Variants in COL6A2 observed in about 807,000 individuals in gnomAD.
The protein encoded by COL6A2 is collagen type VI alpha 2 chain.
A neutral mutation model predicts 124.9 loss-of-function variants in COL6A2; 90 were observed. That is an observed-to-expected ratio of 0.72 (90% CI 0.61 to 0.86). The LOEUF is 0.86. Ranked by LOEUF, COL6A2 falls within the 40% of genes least tolerant of loss-of-function variation. The pLI, the probability that COL6A2 is intolerant of heterozygous loss-of-function variation, is 0.00. For synonymous variants in COL6A2, 793 were observed against 618.2 expected (o/e 1.28, Z -4.19); for missense variants, 1,607 against 1,502.5 (o/e 1.07, Z -1.15).
chr21:46,131,904 G>A (rs374726502), intron 27 of COL6A2, 50 bp from the exon 28 acceptor site: 351 of 1,515,244 alleles, frequency 2.3e-4, no homozygotes, highest in East Asian at 4.6e-4. Flanking sequence ...GCACCTGCCC[G>A]GTCCTGCCCA....
At position 46,116,578 on chromosome 21, in the gene COL6A2, G is replaced by A; in HGVS notation, c.928-73G>A. On this transcript the variant is annotated intron_variant, in intron 8 of 27. Transcript: ENST00000300527. The surrounding 1 kb of genome is among the most constrained non-coding windows in gnomAD (Gnocchi z 4.6). The stretch of plus-strand genomic sequence containing the variant: ...GCCTTGAGTTTGGCCCAAGGGCTTT[G>A]CCCCCCAGAGGCAGCAGTGCCCATG... The A allele has an allele frequency of 1.2e-6, 2 of 1,607,130 alleles. No homozygotes were observed. The highest frequency in any genetic ancestry group is 1.7e-6 in the Non-Finnish European group (2 of 1,175,514).
chr21:46,116,543 G>T lies in COL6A2; in HGVS notation c.928-108G>T. On this transcript the variant is annotated intron_variant, in intron 8 of 27. Coordinates refer to ENST00000300527, the MANE Select transcript of COL6A2 (RefSeq NM_001849.4). The surrounding 1 kb of genome is among the most constrained non-coding windows in gnomAD (Gnocchi z 4.6). ...AGTGGTGGCTTTGGGGGCTCCTGGGGGGTCCTGTGGCCTTGAGTTTGGCCC... is the reference window on the plus strand; with the variant it reads ...AGTGGTGGCTTTGGGGGCTCCTGGGTGGTCCTGTGGCCTTGAGTTTGGCCC... The T allele has an allele frequency of 6.3e-7, 1 of 1,581,334 alleles. No homozygotes were observed. The highest frequency in any genetic ancestry group is 2.2e-5 in the East Asian group (1 of 44,460).
At position 46,125,635 on chromosome 21, in the gene COL6A2, G is replaced by T. The variant is rs767590612; in HGVS notation, c.1969+18G>T. The T allele has an allele frequency of 1.2e-6, 2 of 1,611,294 alleles. No homozygotes were observed. Among genetic ancestry groups the T allele is most frequent in the Non-Finnish European group, 8.5e-7 (1 of 1,179,242 alleles). ...CGAGACAGGTCAGCGGGGCAGGGGCGGGTGCAGCATTGCGGGGGGCCGGGC... is the reference window on the plus strand; with the variant it reads ...CGAGACAGGTCAGCGGGGCAGGGGCTGGTGCAGCATTGCGGGGGGCCGGGC... On this transcript the variant is annotated intron_variant, in intron 25 of 27. Coordinates refer to ENST00000300527, the MANE Select transcript of COL6A2 (RefSeq NM_001849.4).
At chr21:46,128,444 C>G (rs1217768667) in intron 27 of COL6A2, among the ~76,000 whole-genome samples, 1 of 152,252 alleles carries the variant, frequency 6.6e-6, no homozygotes, top group Admixed American at 6.5e-5. Flanking sequence ...GCCAGGCATC[C>G]TCCTCGGCCC....
Position 46,125,797 on chromosome 21 carries a change from G to A in COL6A2, c.1982G>A (p.Gly661Asp). The change falls in exon 26 of 28, where the codon GGC becomes GAC. Residue 661 changes from glycine (G) to aspartate (D), a missense_variant. This residue lies in a region of COL6A2 where 1,223 missense variants were observed against 1,052.2 expected (regional missense o/e 1.16). Transcript: ENST00000300527. Reference sequence around the variant, plus strand: ...GTGCGGCTTGCAGGGACGCGTGTGGGCGTGGTGCAGTACAGCCACGAGGGC... The same window carrying A: ...GTGCGGCTTGCAGGGACGCGTGTGGACGTGGTGCAGTACAGCCACGAGGGC... Reference protein sequence around the residue: ...DPKSETGTRVGVVQYSHEGTF... With the variant: ...DPKSETGTRVDVVQYSHEGTF... The A allele has an allele frequency of 1.2e-6, 2 of 1,612,124 alleles. No homozygotes were observed. The highest frequency in any genetic ancestry group is 1.7e-6 in the Non-Finnish European group (2 of 1,179,284).
At chr21:46,121,210 TG>T in intron 17 of COL6A2, 87 bp downstream of exon 17, 1 of 1,335,528 alleles carries the variant, frequency 7.5e-7, no homozygotes, top group Admixed American at 1.7e-5. Context: ...AGCTAGCCAC[TG>T]TCCCCATAGC....
At chr21:46,112,886 G>GCCAGGCTGCCGACTCCTGGCGCCT (rs2078425019) in intron 4 of COL6A2, 62 bp downstream of exon 4, 1 of 1,607,822 alleles carries the variant, frequency 6.2e-7, no homozygotes, top group Admixed American at 1.7e-5. Flanking sequence ...AGATGACCGC[G>GCCAGGCTGCCGACTCCTGGCGCCT]CCAGGCTGCC....
chr21:46,109,822 G>A (rs779869104), intron 1 of COL6A2, among the ~76,000 whole-genome samples: 8 of 152,206 alleles, frequency 5.3e-5, no homozygotes, highest in Admixed American at 1.3e-4. Context: ...GGGAAAGAGG[G>A]GCCTTCCCTG....
At chr21:46,119,767 C>T (rs777117878) in intron 14 of COL6A2, 21 bp from the exon 15 acceptor site, 1 of 1,555,154 alleles carries the variant, frequency 6.4e-7, no homozygotes. Flanking sequence ...CCTCCCTCAC[C>T]CACACGCCTG....
intron 14 of COL6A2, 74 bp from the exon 15 acceptor site, chr21:46,119,714 C>A: frequency 1.4e-6 from 2 of 1,390,512 alleles, no homozygotes; most frequent in Non-Finnish European, 2.0e-6. Flanking sequence ...TCGGCCCCGG[C>A]ACAGCCCCCA....
At position 46,116,009 on chromosome 21, in the gene COL6A2, G is replaced by A. The variant is rs2123626018; in HGVS notation, c.856G>A (p.Gly286Arg). The A allele has an allele frequency of 1.2e-6, 2 of 1,610,172 alleles. No homozygotes were observed. The highest frequency in any genetic ancestry group is 1.7e-6 in the Non-Finnish European group (2 of 1,178,810). Residue 286 changes from glycine to arginine, a missense_variant and splice_region_variant, in exon 7 of 28, where the codon GGA becomes AGA. Physicochemically the swap from Gly to Arg is moderately radical, Grantham distance 125. This residue lies in a region of COL6A2 where 42 missense variants were observed against 68.7 expected (regional missense o/e 0.61). Coordinates refer to ENST00000300527, the MANE Select transcript of COL6A2 (RefSeq NM_001849.4). The surrounding 1 kb of genome is among the most constrained non-coding windows in gnomAD (Gnocchi z 4.6). ...CACACTGCTGCGTTGTCCTTCACAGGGAGACCCGGGCATCGAAGGCCCCAT... is the reference window on the plus strand; with the variant it reads ...CACACTGCTGCGTTGTCCTTCACAGAGAGACCCGGGCATCGAAGGCCCCAT... ...PGEPGQKGRQ[G>R]DPGIEGPIGF...
rs746660646 is a variant in COL6A2, at chr21:46,102,899, TTGTC to T, written c.-28+4729_-28+4732del. Among the ~76,000 whole-genome samples the T allele has an allele frequency of 9.8e-4, 150 of 152,310 alleles. 1 individual carries two copies. The highest frequency in any genetic ancestry group is 3.4e-3 in the Middle Eastern group (1 of 294). On this transcript the variant is annotated intron_variant, in intron 1 of 27. Coordinates refer to ENST00000300527, the MANE Select transcript of COL6A2 (RefSeq NM_001849.4). ...GTAGTTTTCTTTTCTTGCAATATCTTTGTCTGGTATTGGTATCAGAGTAATGCTG... is the reference window on the plus strand; with the variant it reads ...GTAGTTTTCTTTTCTTGCAATATCTTTGGTATTGGTATCAGAGTAATGCTG...
chr21:46,131,901 C>G (rs1364941051), intron 27 of COL6A2, 53 bp from the exon 28 acceptor site: 1 of 1,501,392 alleles, frequency 6.7e-7, no homozygotes, highest in African/African-American at 1.4e-5. Context: ...CTGGCACCTG[C>G]CCGGTCCTGC....
At chr21:46,124,560 A>G in intron 21 of COL6A2, 91 bp from the exon 22 acceptor site, 8 of 1,158,412 alleles carry the variant, frequency 6.9e-6, no homozygotes, top group Admixed American at 1.7e-5. Flanking sequence ...CCAAGGGAGG[A>G]CCCGTGGTTG....
chr21:46,130,303 G>C (rs1354201027), intron 27 of COL6A2, among the ~76,000 whole-genome samples: 1 of 152,260 alleles, frequency 6.6e-6, no homozygotes, highest in African/African-American at 2.4e-5. Context: ...GCGGTCCTCA[G>C]AGGACTGAGC....
chr21:46,129,218 G>A lies in COL6A2; in HGVS notation c.2461+2677G>A, dbSNP rs556063675. The A allele has an allele frequency of 4.3e-6, 7 of 1,612,782 alleles. No individual in the cohort carries two copies. In the South Asian group the frequency reaches 6.6e-5, roughly 15 times the overall value. On this transcript the variant is annotated intron_variant, in intron 27 of 27. Transcript: ENST00000300527. ...CAGATGCACCGTGGCCTGGCGGCGA[G>A]CCCCCGGTCACCTTCCTCCGCACGG...
chr21:46,106,375 A>G (rs954891431), intron 1 of COL6A2, among the ~76,000 whole-genome samples: 5 of 152,166 alleles, frequency 3.3e-5, no homozygotes, highest in Admixed American at 1.3e-4. Flanking sequence ...GACCTCAGCT[A>G]TTAGCTGAGT....
At chr21:46,130,010 G>A (rs1304069480) in intron 27 of COL6A2, among the ~76,000 whole-genome samples, 2 of 152,184 alleles carry the variant, frequency 1.3e-5, no homozygotes, top group Non-Finnish European at 2.9e-5. Context: ...CCAGAGGCTG[G>A]TGAGCCTCGC....
chr21:46,130,943 C>T (rs932165829), intron 27 of COL6A2, among the ~76,000 whole-genome samples: 4 of 152,244 alleles, frequency 2.6e-5, no homozygotes, highest in African/African-American at 9.6e-5. Context: ...TGCGGTGCAG[C>T]GTGAGGTCAC....
Sources: allele counts gnomAD v4.1 joint callset (sites outside exome capture counted in the v4.1 genomes callset), GRCh38; gene constraint gnomAD v4.1.1; regional missense constraint gnomAD v4.1.1; non-coding constraint Gnocchi (gnomAD v3.1); transcripts MANE v1.5; gene names NCBI Gene and HGNC (gene_info 2026-07-23, HGNC 2026-07-21).